Variants in DENND5B observed in about 807,000 individuals in gnomAD.
DENND5B encodes DENN domain-containing protein 5B.
Under a neutral mutation model 140.6 loss-of-function variants are expected in DENND5B, and 34 were observed. That is an observed-to-expected ratio of 0.24 (90% CI 0.18 to 0.32). The LOEUF (loss-of-function observed/expected upper bound fraction) is 0.32. DENND5B is among the 10% of genes least tolerant of loss of function. The pLI, the probability that DENND5B is intolerant of heterozygous loss-of-function variation, is 1.00. For synonymous variants in DENND5B, 551 were observed against 562.1 expected, an observed-to-expected ratio of 0.98 and a Z score of 0.28; for missense variants, 1,142 against 1,560.2, an observed-to-expected ratio of 0.73 and a Z score of 4.52.
intron 1 of DENND5B, among the ~76,000 whole-genome samples, chr12:31,536,024 TAGAAG>T (rs1243854748): frequency 2.0e-5 from 3 of 152,116 alleles, no homozygotes; most frequent in Non-Finnish European, 4.4e-5. Context: ...TCTGGTTGTT[TAGAAG>T]TGTGTAGCAG....
intron 3 of DENND5B, among the ~76,000 whole-genome samples, chr12:31,462,967 A>C (rs1012146591): frequency 6.6e-6 from 1 of 151,296 alleles, no homozygotes; most frequent in Non-Finnish European, 1.5e-5. Flanking sequence ...AGAAAAAAAA[A>C]CAAAAAACAA....
chr12:31,427,718 A>G (rs1163355405), intron 8 of DENND5B, among the ~76,000 whole-genome samples: 1 of 152,180 alleles, frequency 6.6e-6, no homozygotes, highest in African/African-American at 2.4e-5. Context: ...ACTGCTCTAC[A>G]TTATATAGTA....
intron 13 of DENND5B, among the ~76,000 whole-genome samples, chr12:31,410,331 GT>G (rs1942384216): frequency 1.3e-5 from 2 of 152,290 alleles, no homozygotes; most frequent in East Asian, 3.9e-4. Context: ...TTTCCCAAGT[GT>G]TTTATAGGTA....
chr12:31,453,516 A>C (rs896963099), intron 4 of DENND5B, among the ~76,000 whole-genome samples: 4 of 152,222 alleles, frequency 2.6e-5, no homozygotes, highest in African/African-American at 9.6e-5. Flanking sequence ...TGTTAGTTAA[A>C]AAGAAGGTTG....
chr12:31,494,169 TATCTATCTATCTATCCATCC>T (rs746253665), intron 2 of DENND5B, among the ~76,000 whole-genome samples: 134 of 73,058 alleles, frequency 1.8e-3, no homozygotes, highest in South Asian at 8.2e-3. Flanking sequence ...TCTATCTATC[TATCTATCTATCTATCCATCC>T]ATCCATCCAT....
chr12:31,391,165 C>T (rs1215370769), intron 19 of DENND5B, among the ~76,000 whole-genome samples: 4 of 152,222 alleles, frequency 2.6e-5, no homozygotes, highest in Admixed American at 6.5e-5. Context: ...ACCCCCTCCC[C>T]CAATCTCCTA....
chr12:31,459,862 A>G (rs1944936898), intron 4 of DENND5B, among the ~76,000 whole-genome samples: 1 of 152,224 alleles, frequency 6.6e-6, no homozygotes, highest in African/African-American at 2.4e-5. Context: ...CCTGGGCTGT[A>G]TTGTTTAAAA....
intron 14 of DENND5B, among the ~76,000 whole-genome samples, chr12:31,407,109 T>A (rs994648170): frequency 2.6e-5 from 4 of 151,688 alleles, no homozygotes; most frequent in African/African-American, 9.7e-5. Context: ...CTCTTCGATT[T>A]AATTAAATTA....
intron 4 of DENND5B, among the ~76,000 whole-genome samples, chr12:31,457,950 G>A (rs578136862): frequency 5.9e-5 from 9 of 152,174 alleles, no homozygotes; most frequent in East Asian, 1.9e-4. Context: ...TCCTCACCTC[G>A]TGATCCGCCC....
chr12:31,401,213 G>T (rs575091167), intron 15 of DENND5B, among the ~76,000 whole-genome samples: 2 of 152,160 alleles, frequency 1.3e-5, no homozygotes, highest in South Asian at 4.1e-4. Flanking sequence ...TCTAACTTAG[G>T]GATGATGGCA....
At chr12:31,481,815 C>T (rs1946083410) in intron 2 of DENND5B, among the ~76,000 whole-genome samples, 2 of 152,150 alleles carry the variant, frequency 1.3e-5, no homozygotes, top group South Asian at 4.1e-4. Context: ...TTAGACGTGC[C>T]TCTTAGCACA....
At chr12:31,543,085 A>G (rs1432811355) in intron 1 of DENND5B, among the ~76,000 whole-genome samples, 1 of 152,080 alleles carries the variant, frequency 6.6e-6, no homozygotes, top group Non-Finnish European at 1.5e-5. Context: ...TGTAGTCCCA[A>G]CTACCTGGGA....
chr12:31,565,830 T>C (rs1312713888), intron 1 of DENND5B, among the ~76,000 whole-genome samples: 1 of 152,106 alleles, frequency 6.6e-6, no homozygotes, highest in East Asian at 1.9e-4. Context: ...AGGGACCATA[T>C]TTGACTGGCT....
At chr12:31,474,828 CA>C (rs1254162404) in intron 3 of DENND5B, among the ~76,000 whole-genome samples, 2 of 152,188 alleles carry the variant, frequency 1.3e-5, no homozygotes, top group Non-Finnish European at 2.9e-5. Flanking sequence ...ATAGAAGAGA[CA>C]TTGTCAATAT....
Position 31,387,445 on chromosome 12 carries a change from A to C in DENND5B, c.*158T>G. 1.5e-6 allele frequency: 1 copy of C among 654,730 alleles called. No homozygotes were observed. Among genetic ancestry groups the C allele is most frequent in the Non-Finnish European group, 2.5e-6 (1 of 394,138 alleles). The allele number at this position is 654,730 out of a possible 1,614,324, so 40.6% of individuals were successfully genotyped here. On this transcript the variant is annotated 3_prime_UTR_variant, in exon 21 of 21. Transcript: ENST00000389082. ...TAAATTCCAGGTTCAAATGAACTAC[A>C]ATACAACATTTTGCCTTGTCTGTAG...
intron 1 of DENND5B, among the ~76,000 whole-genome samples, chr12:31,525,487 A>G (rs564398081): frequency 2.6e-5 from 4 of 152,332 alleles, no homozygotes; most frequent in African/African-American, 9.6e-5. Context: ...ACAGACATAT[A>G]AAGAATATGT....
intron 3 of DENND5B, among the ~76,000 whole-genome samples, chr12:31,472,740 A>T (rs375668773): frequency 5.1e-4 from 77 of 152,314 alleles, no homozygotes; most frequent in African/African-American, 1.7e-3. Context: ...AAAGATTACA[A>T]TTAGAAACAT....
intron 8 of DENND5B, among the ~76,000 whole-genome samples, chr12:31,428,770 C>T (rs961577554): frequency 3.9e-5 from 6 of 152,056 alleles, no homozygotes; most frequent in Non-Finnish European, 5.9e-5. Context: ...CTCCCTGTGT[C>T]GCCCAGGCTG....
chr12:31,556,881 C>T (rs967699912), intron 1 of DENND5B, among the ~76,000 whole-genome samples: 1 of 151,992 alleles, frequency 6.6e-6, no homozygotes, highest in African/African-American at 2.4e-5. Context: ...CCAGCAGTTT[C>T]CTTAGAAATG....
Sources: gnomAD v4.1 joint callset for allele counts (sites outside exome capture counted in the v4.1 genomes callset) on GRCh38, gnomAD v4.1.1 for gene constraint, MANE v1.5 for transcripts, NCBI Gene and HGNC (gene_info 2026-07-23, HGNC 2026-07-21) for gene names.